Variants in CACNA1C observed in about 807,000 individuals in gnomAD.
The protein encoded by CACNA1C is calcium voltage-gated channel subunit alpha1 C.
CACNA1C carries 30 observed loss-of-function variants against 229.0 expected under a neutral mutation model. That is an observed-to-expected ratio of 0.13 (90% CI 0.10 to 0.18). The LOEUF (loss-of-function observed/expected upper bound fraction) is 0.18. CACNA1C is among the 10% of genes least tolerant of loss of function. The pLI is 1.00. For missense variants in CACNA1C, 1,658 were observed against 2,845.0 expected (o/e 0.58, Z 9.49); for synonymous variants, 1,114 against 1,132.5 (o/e 0.98, Z 0.33).
At chr12:2,498,643 A>G (rs531833439) in intron 7 of CACNA1C, among the ~76,000 whole-genome samples, 2 of 152,328 alleles carry the variant, frequency 1.3e-5, no homozygotes, top group South Asian at 4.1e-4. Flanking sequence ...ATGCGGAGGA[A>G]CACAGCTGAG....
intron 32 of CACNA1C, among the ~76,000 whole-genome samples, chr12:2,652,796 G>T (rs1044480236): frequency 6.6e-6 from 1 of 152,266 alleles, no homozygotes; most frequent in African/African-American, 2.4e-5. Flanking sequence ...AGGCTCTGGG[G>T]ATTCGGAATA....
chr12:2,315,210 A>T (rs1474110107), intron 3 of CACNA1C, among the ~76,000 whole-genome samples: 1 of 152,224 alleles, frequency 6.6e-6, no homozygotes, highest in Non-Finnish European at 1.5e-5. Context: ...TCAAGGCCAG[A>T]TGAGCACCAC....
intron 1 of CACNA1C, among the ~76,000 whole-genome samples, chr12:2,059,225 A>C (rs1463916488): frequency 6.6e-6 from 1 of 152,044 alleles, no homozygotes; most frequent in Admixed American, 6.6e-5. Flanking sequence ...GAGAGCTGAG[A>C]TGCAGAAGGT....
Position 2,584,575 on chromosome 12 carries a change from A to G in CACNA1C, c.2297A>G (p.Gln766Arg). ...LADAESLTSA[Q>R]KEEEEEKERK... The stretch of plus-strand genomic sequence containing the variant: ...GATGCTGAGAGCCTCACATCTGCCC[A>G]AAAGGAGGAGGAAGAGGAGAAGGAG... Residue 766 changes from glutamine to arginine, a missense_variant, in exon 16 of 47, where the codon CAA (glutamine) becomes CGA (arginine). By Grantham distance (43) the Gln-to-Arg change is conservative. Transcript: ENST00000399655. 1 of 1,613,482 alleles carries G rather than the reference A, an allele frequency of 6.2e-7. No individual in the cohort carries two copies.
At chr12:2,463,130 C>G (rs931140789) in intron 5 of CACNA1C, among the ~76,000 whole-genome samples, 2 of 152,016 alleles carry the variant, frequency 1.3e-5, no homozygotes, top group African/African-American at 2.4e-5. Context: ...AGGATGGTCT[C>G]GATCTCCTGA....
At chr12:2,132,061 G>GA (rs138366865) in intron 3 of CACNA1C, among the ~76,000 whole-genome samples, 85,190 of 120,334 alleles carry the variant, frequency 0.71, 32,195 homozygotes, top group African/African-American at 0.82. Context: ...TATTCTCTTT[G>GA]AGCAATTGTG....
At chr12:2,286,534 GT>G (rs2092700802) in intron 3 of CACNA1C, among the ~76,000 whole-genome samples, 1 of 152,228 alleles carries the variant, frequency 6.6e-6, no homozygotes, top group Non-Finnish European at 1.5e-5. Context: ...CTTTGCAGTA[GT>G]TCTGGCTTCG....
At chr12:2,298,567 G>A (rs920656068) in intron 3 of CACNA1C, among the ~76,000 whole-genome samples, 3 of 151,952 alleles carry the variant, frequency 2.0e-5, no homozygotes, top group Non-Finnish European at 4.4e-5. Flanking sequence ...AGAGTGCTGG[G>A]ATTACAGGCA....
In CACNA1C at chr12:2,214,602, C is replaced by T. The variant is rs865967986; in HGVS notation, c.477+94172C>T. ...GAAGCCTAGGCGTGCCCTGAGTCAC[C>T]ACACTGCACATTGCAAGGTGAGCCT... is the stretch of plus-strand genomic sequence containing the variant. On this transcript the variant is annotated intron_variant, in intron 3 of 46. Coordinates refer to ENST00000399655, the MANE Select transcript of CACNA1C (RefSeq NM_000719.7). 7.3e-5 allele frequency among the ~76,000 whole-genome samples: 11 copies of T among 151,354 alleles called. 1 individual carries two copies. Among genetic ancestry groups the T allele is most frequent in the Admixed American group, 5.3e-4 (8 of 15,206 alleles).
At chr12:2,384,855 T>G (rs535048029) in intron 3 of CACNA1C, among the ~76,000 whole-genome samples, 1 of 152,320 alleles carries the variant, frequency 6.6e-6, no homozygotes, top group Non-Finnish European at 1.5e-5. Flanking sequence ...TTAGCAAATC[T>G]TTTTACTTTT....
intron 1 of CACNA1C, among the ~76,000 whole-genome samples, chr12:2,114,289 A>G (rs1341540290): frequency 6.6e-6 from 1 of 152,128 alleles, no homozygotes; most frequent in Non-Finnish European, 1.5e-5. Flanking sequence ...TCCTCACAGC[A>G]TGGCAGCTCA....
At chr12:2,126,901 TG>T (rs1284765970) in intron 3 of CACNA1C, among the ~76,000 whole-genome samples, 8 of 152,190 alleles carry the variant, frequency 5.3e-5, no homozygotes, top group Non-Finnish European at 1.2e-4. Context: ...GCCTGGTCCC[TG>T]GGGGTAAGTC....
chr12:2,342,449 C>T (rs546164751), intron 3 of CACNA1C, among the ~76,000 whole-genome samples: 1 of 152,320 alleles, frequency 6.6e-6, no homozygotes, highest in African/African-American at 2.4e-5. Context: ...TGAATATCCA[C>T]AACTGGCAGG....
chr12:2,674,388 G>A, intron 38 of CACNA1C, 153 bp from the exon 39 acceptor site: 1 of 1,113,516 alleles, frequency 9.0e-7, no homozygotes, highest in Non-Finnish European at 1.2e-6. Context: ...TGGAAAATGG[G>A]AAGACTGGGG....
chr12:2,062,067 G>A (rs941373807), intron 1 of CACNA1C, among the ~76,000 whole-genome samples: 10 of 152,088 alleles, frequency 6.6e-5, no homozygotes, highest in African/African-American at 1.7e-4. Flanking sequence ...GGAAACTTTC[G>A]CACTTTCGCA....
At chr12:1,987,099 T>TA (rs1326126993) in intron 1 of CACNA1C, among the ~76,000 whole-genome samples, 1 of 151,954 alleles carries the variant, frequency 6.6e-6, no homozygotes, top group Non-Finnish European at 1.5e-5. Context: ...CACGCATGCT[T>TA]AAAAAAAAGA....
At chr12:2,140,907 A>C (rs1404627205) in intron 3 of CACNA1C, among the ~76,000 whole-genome samples, 1 of 151,330 alleles carries the variant, frequency 6.6e-6, no homozygotes, top group Non-Finnish European at 1.5e-5. Flanking sequence ...GAGCACTGTG[A>C]ATATTAATAC....
intron 18 of CACNA1C, among the ~76,000 whole-genome samples, chr12:2,587,625 G>T (rs1253523559): frequency 6.6e-6 from 1 of 152,146 alleles, no homozygotes; most frequent in East Asian, 1.9e-4. Flanking sequence ...GGCTAATGAG[G>T]ATTTTGTCAC....
rs540750215 is a variant in CACNA1C at position 2,629,971 on chromosome 12, C to A, written c.3829-4326C>A. Among the ~76,000 whole-genome samples the A allele has an allele frequency of 4.5e-3, 680 of 152,286 alleles. 5 individuals carry two copies. Among genetic ancestry groups the A allele is most frequent in the African/African-American group, 0.015 (634 of 41,558 alleles). On this transcript the variant is annotated intron_variant, in intron 29 of 46. Coordinates refer to ENST00000399655, the MANE Select transcript of CACNA1C (RefSeq NM_000719.7). Reference sequence around the variant, plus strand: ...AGAGGCCCATCTTATGAACACATCTCCAGAGTGGGGAGTTGGAAGGGGGAA... The same window carrying A: ...AGAGGCCCATCTTATGAACACATCTACAGAGTGGGGAGTTGGAAGGGGGAA...
Sources: gnomAD v4.1 joint callset for allele counts (sites outside exome capture counted in the v4.1 genomes callset) on GRCh38, gnomAD v4.1.1 for gene constraint, MANE v1.5 for transcripts, NCBI Gene and HGNC (gene_info 2026-07-23, HGNC 2026-07-21) for gene names.